The following EPHB2 variants were observed in gnomAD, a reference collection of about 807,000 sequenced individuals.
EPHB2 encodes the protein EPH receptor B2.
A neutral mutation model predicts 96.4 loss-of-function variants in EPHB2; 18 were observed. The observed-to-expected ratio is 0.19, with a 90% CI of 0.13 to 0.28. The LOEUF is 0.28. Ranked by LOEUF, EPHB2 falls within the 10% of genes least tolerant of loss-of-function variation. The probability of loss-of-function intolerance (pLI) is 1.00; values close to 1 mark genes in which losing one functional copy is unlikely to be tolerated. For synonymous variants in EPHB2, 506 were observed against 534.1 expected (o/e 0.95, Z 0.72); for missense variants, 989 against 1,355.4 (o/e 0.73, Z 4.25).
At chr1:22,896,312 G>A (rs1167443686) in intron 8 of EPHB2, 102 bp from the exon 9 acceptor site, 1 of 1,488,668 alleles carries the variant, frequency 6.7e-7, no homozygotes, top group African/African-American at 1.4e-5. Context: ...TGGCAGGGGT[G>A]TGGCTTCTAG....
rs528894052 is a variant in EPHB2, at chr1:22,722,137, A to G, written c.61+11094A>G. On this transcript the variant is annotated intron_variant, in intron 1 of 15. Coordinates refer to ENST00000374630, the MANE Select transcript of EPHB2 (RefSeq NM_017449.5). ...TAATTTTTGTATTTTGAGTAAAGACAGGCACCTACCACCATGCCCAGCATT... is the reference window on the plus strand; with the variant it reads ...TAATTTTTGTATTTTGAGTAAAGACGGGCACCTACCACCATGCCCAGCATT... Among the ~76,000 whole-genome samples, 6 of 150,326 alleles carry G rather than the reference A, an allele frequency of 4.0e-5. No individual in the cohort carries two copies. In the South Asian group the frequency reaches 1.3e-3, roughly 33 times the overall value.
chr1:22,878,455 CT>C (rs1455222197), intron 5 of EPHB2, among the ~76,000 whole-genome samples: 17 of 152,230 alleles, frequency 1.1e-4, no homozygotes, highest in African/African-American at 4.1e-4. Context: ...CCCTGGAAGG[CT>C]GGGATGCTGT....
At chr1:22,771,858 G>A (rs1019016374) in intron 1 of EPHB2, among the ~76,000 whole-genome samples, 1 of 152,198 alleles carries the variant, frequency 6.6e-6, no homozygotes, top group Non-Finnish European at 1.5e-5. Context: ...AGCCTGGTAT[G>A]TCGGGAAGGC....
chr1:22,839,672 C>A (rs911610598), intron 3 of EPHB2, among the ~76,000 whole-genome samples: 1 of 152,104 alleles, frequency 6.6e-6, no homozygotes, highest in Non-Finnish European at 1.5e-5. Context: ...AACATGGGGT[C>A]CTGGATAGGG....
At chr1:22,789,188 C>G (rs1300855010) in intron 3 of EPHB2, among the ~76,000 whole-genome samples, 1 of 152,184 alleles carries the variant, frequency 6.6e-6, no homozygotes, top group African/African-American at 2.4e-5. Context: ...TAGCCCAGCC[C>G]CAACACCACC....
chr1:22,907,106 C>T (rs533165264), intron 11 of EPHB2, 149 bp downstream of exon 11: 12 of 1,134,020 alleles, frequency 1.1e-5, no homozygotes, highest in Middle Eastern at 2.9e-4. Flanking sequence ...TTCCCTTATC[C>T]ATGGCAGGCA....
At chr1:22,888,441 CTT>C (rs887626616) in intron 6 of EPHB2, among the ~76,000 whole-genome samples, 8 of 152,286 alleles carry the variant, frequency 5.3e-5, no homozygotes, top group South Asian at 2.1e-4. Flanking sequence ...CTGTATTTTC[CTT>C]TTAAATCTCC....
chr1:22,770,075 T>C (rs1644357647), intron 1 of EPHB2, among the ~76,000 whole-genome samples: 1 of 151,898 alleles, frequency 6.6e-6, no homozygotes, highest in Admixed American at 6.6e-5. Flanking sequence ...GATTGGGTGA[T>C]TTGACGAATA....
chr1:22,756,741 C>T (rs886409783), intron 1 of EPHB2, among the ~76,000 whole-genome samples: 3 of 152,188 alleles, frequency 2.0e-5, no homozygotes, highest in Non-Finnish European at 4.4e-5. Flanking sequence ...CCTGCTGCCT[C>T]AGTTTCTCCT....
At chr1:22,722,975 G>A (rs896302654) in intron 1 of EPHB2, among the ~76,000 whole-genome samples, 1 of 152,252 alleles carries the variant, frequency 6.6e-6, no homozygotes, top group African/African-American at 2.4e-5. Context: ...AGTGTGTGAT[G>A]TATTTGGGGA....
In EPHB2 at chr1:22,916,545, A is replaced by G. The variant is rs1640275004; in HGVS notation, c.*2975A>G. 1 of 66,652 alleles carries G rather than the reference A, an allele frequency of 1.5e-5. No homozygotes were observed. The highest frequency in any genetic ancestry group is 2.7e-5 in the Non-Finnish European group (1 of 36,872). The allele number at this position is 66,652 out of a possible 1,614,324, so 4.1% of individuals were successfully genotyped here. A position where few individuals can be genotyped will look rare whatever the true frequency, so the allele number is the denominator to read the frequency against. ...CTACCGGGGCAGTCGCCCCGCCCCA[A>G]CCTCTTGCTTGCTGCTCAGCGGGGA... is the stretch of plus-strand genomic sequence containing the variant. On this transcript the variant is annotated 3_prime_UTR_variant, in exon 16 of 16. Transcript: ENST00000374630. The surrounding 1 kb of genome is among the most constrained non-coding windows in gnomAD (Gnocchi z 4.2).
intron 14 of EPHB2, 55 bp from the exon 15 acceptor site, chr1:22,912,389 A>C: frequency 6.2e-7 from 1 of 1,611,262 alleles, no homozygotes; most frequent in Admixed American, 1.7e-5. Flanking sequence ...ATGTCCCTGC[A>C]CGCTCCCTGC....
At chr1:22,775,183 C>G (rs778413185) in intron 1 of EPHB2, 6 of 779,642 alleles carry the variant, frequency 7.7e-6, no homozygotes, top group Admixed American at 5.1e-5. Context: ...AAAAATAACA[C>G]AGTTGTGAAA....
chr1:22,786,709 G>A (rs529410870), intron 3 of EPHB2, among the ~76,000 whole-genome samples: 1 of 152,190 alleles, frequency 6.6e-6, no homozygotes, highest in African/African-American at 2.4e-5. Flanking sequence ...CTGTGCTGGG[G>A]AAGAGGAGAG....
At chr1:22,795,990 AG>A (rs1473257331) in intron 3 of EPHB2, among the ~76,000 whole-genome samples, 1 of 152,064 alleles carries the variant, frequency 6.6e-6, no homozygotes, top group Non-Finnish European at 1.5e-5. Flanking sequence ...CTTCCCACCC[AG>A]GGCAGAGACC....
chr1:22,722,419 G>A (rs964131313), intron 1 of EPHB2, among the ~76,000 whole-genome samples: 2 of 152,232 alleles, frequency 1.3e-5, no homozygotes, highest in Non-Finnish European at 2.9e-5. Context: ...GGTATTTGGG[G>A]TAAAGAAATA....
At chr1:22,719,987 T>C (rs1643411361) in intron 1 of EPHB2, among the ~76,000 whole-genome samples, 1 of 152,212 alleles carries the variant, frequency 6.6e-6, no homozygotes, top group Admixed American at 6.5e-5. Context: ...CTCAGGAGGC[T>C]GCACTCAGCT....
rs114359505 is a variant in EPHB2 at position 22,714,110 on chromosome 1, G to C, written c.61+3067G>C. Among the ~76,000 whole-genome samples the C allele has an allele frequency of 7.4e-3, 1,125 of 152,290 alleles. 19 individuals are homozygous for C. The highest frequency in any genetic ancestry group is 0.026 in the African/African-American group (1,072 of 41,548). On this transcript the variant is annotated intron_variant, in intron 1 of 15. Transcript: ENST00000374630. ...TATCGATAGAGTTTCCTCTCTGGCT[G>C]ACAGGGTGCTGGACTCCGGGGCAGG...
chr1:22,744,581 A>T (rs1402618657), intron 1 of EPHB2, among the ~76,000 whole-genome samples: 3 of 147,020 alleles, frequency 2.0e-5, no homozygotes, highest in Non-Finnish European at 3.0e-5. Flanking sequence ...TGAGAGGCTC[A>T]GGCAGGAGGA....
Sources: allele counts gnomAD v4.1 joint callset (sites outside exome capture counted in the v4.1 genomes callset), GRCh38; gene constraint gnomAD v4.1.1; non-coding constraint Gnocchi (gnomAD v3.1); transcripts MANE v1.5; gene names NCBI Gene and HGNC (gene_info 2026-07-23, HGNC 2026-07-21).